PCDHGB5: variants seen among roughly 807,000 people sequenced by gnomAD.
PCDHGB5 encodes protocadherin gamma-B5.
PCDHGB5 carries 48 observed loss-of-function variants against 62.9 expected under a neutral mutation model. The ratio of observed to expected loss-of-function variants is 0.76; its 90% CI spans 0.61 to 0.97. The LOEUF is 0.97. Among genes scored for constraint, PCDHGB5 ranks in the 50% least tolerant of loss-of-function variants. PCDHGB5 has a pLI of 0.00. For missense variants in PCDHGB5, 1,118 were observed against 1,198.6 expected (o/e 0.93, Z 0.99); for synonymous variants, 474 against 511.2 (o/e 0.93, Z 0.98).
rs181397365 is a variant in PCDHGB5, at chr5:141,481,810, G to A, written c.2398-12997G>A. Among the ~76,000 whole-genome samples, 99 of 151,944 alleles carry A rather than the reference G, an allele frequency of 6.5e-4. 1 individual carries two copies. The highest frequency in any genetic ancestry group is 2.4e-3 in the African/African-American group (98 of 41,418). On this transcript the variant is annotated intron_variant, in intron 1 of 3. Transcript: ENST00000617380. ...CTACTAAAAATACAAAAATTCACCA[G>A]GCGTGGTGGCTGAGGCAGGAGAATC...
chr5:141,432,969 C>T lies in PCDHGB5; in HGVS notation c.2397+32445C>T, dbSNP rs754836894. On this transcript the variant is annotated intron_variant, in intron 1 of 3. Coordinates refer to ENST00000617380, the MANE Select transcript of PCDHGB5 (RefSeq NM_018925.3). The surrounding 1 kb of genome is among the most constrained non-coding windows in gnomAD (Gnocchi z 6.0). ...GGAGGCGGCTTGACAGGAGCGCCGG[C>T]GTCGCACTTTGTGGGCGTGGACGGG... The T allele has an allele frequency of 3.7e-6, 6 of 1,614,030 alleles. No individual in the cohort carries two copies. In the African/African-American group the frequency reaches 8.0e-5, roughly 22 times the overall value.
chr5:141,500,445 G>A (rs1319009998), intron 2 of PCDHGB5, among the ~76,000 whole-genome samples: 1 of 151,816 alleles, frequency 6.6e-6, no homozygotes, highest in Non-Finnish European at 1.5e-5. Flanking sequence ...TCCTGACCTC[G>A]TGATCCGCCC....
At chr5:141,488,259 C>T (rs1594750656) in intron 1 of PCDHGB5, among the ~76,000 whole-genome samples, 1 of 152,144 alleles carries the variant, frequency 6.6e-6, no homozygotes, top group African/African-American at 2.4e-5. Context: ...AAGGTTGGGG[C>T]GGGTTGGTCA....
Position 141,486,274 on chromosome 5 carries a change from T to A in PCDHGB5, c.2398-8533T>A. On this transcript the variant is annotated intron_variant, in intron 1 of 3. Coordinates refer to ENST00000617380, the MANE Select transcript of PCDHGB5 (RefSeq NM_018925.3). The surrounding 1 kb of genome is among the most constrained non-coding windows in gnomAD (Gnocchi z 5.0). ...TCCCCGAGAGTGCAGAACCTGGCAC[T>A]GTGGTGGCACTTATCAGTGTGCAGG... is the stretch of plus-strand genomic sequence containing the variant. 5 of 1,614,064 alleles carry A rather than the reference T, an allele frequency of 3.1e-6. No homozygotes were observed. The highest frequency in any genetic ancestry group is 4.2e-6 in the Non-Finnish European group (5 of 1,179,998).
chr5:141,438,122 A>T (rs1272350030), intron 1 of PCDHGB5, among the ~76,000 whole-genome samples: 1 of 152,214 alleles, frequency 6.6e-6, no homozygotes, highest in Non-Finnish European at 1.5e-5. Flanking sequence ...CATTCCTAAA[A>T]TATTAATGGC....
chr5:141,415,863 G>A, intron 1 of PCDHGB5: 4 of 1,107,154 alleles, frequency 3.6e-6, no homozygotes, highest in Non-Finnish European at 4.7e-6. Flanking sequence ...GTAGTTTATA[G>A]TGTTGTTGAG....
At position 141,477,197 on chromosome 5, in the gene PCDHGB5, G is replaced by A. The variant is rs781504885; in HGVS notation, c.2398-17610G>A. ...CACAGTCACCTCCGTGTACAGCCCA[G>A]TACCCGAGGATGCCCCTCTGGGGAC... On this transcript the variant is annotated intron_variant, in intron 1 of 3. Coordinates refer to ENST00000617380, the MANE Select transcript of PCDHGB5 (RefSeq NM_018925.3). The surrounding 1 kb of genome is among the most constrained non-coding windows in gnomAD (Gnocchi z 4.9). 1 of 1,614,210 alleles carries A rather than the reference G, an allele frequency of 6.2e-7. No homozygotes were observed. Among genetic ancestry groups the A allele is most frequent in the East Asian group, 2.2e-5 (1 of 44,874 alleles).
intron 1 of PCDHGB5, among the ~76,000 whole-genome samples, chr5:141,457,440 A>G (rs188608086): frequency 3.9e-5 from 6 of 152,334 alleles, no homozygotes; most frequent in Non-Finnish European, 8.8e-5. Flanking sequence ...ACCAAGCTGC[A>G]GAAGATCACC....
At chr5:141,472,980 CAAAA>C (rs60579131) in intron 1 of PCDHGB5, among the ~76,000 whole-genome samples, 3 of 86,106 alleles carry the variant, frequency 3.5e-5, no homozygotes, top group Admixed American at 1.2e-4. Context: ...GAGTGAAACT[CAAAA>C]AAAAAAAAAA....
intron 2 of PCDHGB5, among the ~76,000 whole-genome samples, chr5:141,498,962 A>G (rs1257746192): frequency 8.0e-6 from 1 of 124,866 alleles, no homozygotes; most frequent in Non-Finnish European, 1.7e-5. Context: ...AGAGAGAGGG[A>G]GGGAGGGAGG....
In PCDHGB5 at chr5:141,404,506, C is replaced by T. The variant is rs530963064; in HGVS notation, c.2397+3982C>T. The stretch of plus-strand genomic sequence containing the variant: ...ACACTGGTGTGCTGTATGCTCTGTG[C>T]TCCTTTGACTATGAGCAGTTTAGAG... On this transcript the variant is annotated intron_variant, in intron 1 of 3. Coordinates refer to ENST00000617380, the MANE Select transcript of PCDHGB5 (RefSeq NM_018925.3). 540 of 1,613,932 alleles carry T rather than the reference C, an allele frequency of 3.3e-4. 6 individuals are homozygous for T. In the South Asian group the frequency reaches 5.6e-3, roughly 17 times the overall value.
chr5:141,487,812 T>A lies in PCDHGB5; in HGVS notation c.2398-6995T>A. ...TAACCAGAGTTGTCACAGTTTAGCA[T>A]TGGGGGCGGGTCATGCCTATATCTG... On this transcript the variant is annotated intron_variant, in intron 1 of 3. Coordinates refer to ENST00000617380, the MANE Select transcript of PCDHGB5 (RefSeq NM_018925.3). The surrounding 1 kb of genome is among the most constrained non-coding windows in gnomAD (Gnocchi z 5.0). 1 of 1,408,206 alleles carries A rather than the reference T, an allele frequency of 7.1e-7. No individual in the cohort carries two copies. The highest frequency in any genetic ancestry group is 9.7e-7 in the Non-Finnish European group (1 of 1,036,248). 87.2% of individuals were successfully genotyped at this position (1,408,206 alleles called of 1,614,324 possible). A position where few individuals can be genotyped will look rare whatever the true frequency, so the allele number is the denominator to read the frequency against.
At chr5:141,440,954 G>A (rs908507291) in intron 1 of PCDHGB5, 9 of 152,184 alleles carry the variant, frequency 5.9e-5, no homozygotes, top group Non-Finnish European at 1.0e-4. Flanking sequence ...GAGTGTCAAG[G>A]CAGAGATCAC....
rs760617436 is a variant in PCDHGB5 at position 141,410,113 on chromosome 5, A to T, written c.2397+9589A>T. On this transcript the variant is annotated intron_variant, in intron 1 of 3. Transcript: ENST00000617380. The stretch of plus-strand genomic sequence containing the variant: ...CTCGAGCCTTAGGCGACAGGGACGC[A>T]GCCCGCCAGCGCCTGCTGGTCGCTG... 5 of 1,612,436 alleles carry T rather than the reference A, an allele frequency of 3.1e-6. No individual in the cohort carries two copies. The African/African-American group carries it at 6.7e-5, about 22-fold the overall frequency.
chr5:141,494,909 T>G (rs764123148), intron 2 of PCDHGB5, 44 bp downstream of exon 2: 1 of 1,614,042 alleles, frequency 6.2e-7, no homozygotes, highest in Admixed American at 1.7e-5. Flanking sequence ...CTGCGGCATT[T>G]TCTCAGGGAT....
At chr5:141,504,785 G>A (rs1439244687) in intron 2 of PCDHGB5, among the ~76,000 whole-genome samples, 1 of 151,964 alleles carries the variant, frequency 6.6e-6, no homozygotes, top group East Asian at 1.9e-4. Context: ...GTCTCTTGGG[G>A]CCTCCTACAT....
At chr5:141,495,974 CTCTT>C (rs1562171251) in intron 2 of PCDHGB5, among the ~76,000 whole-genome samples, 2 of 152,032 alleles carry the variant, frequency 1.3e-5, no homozygotes, top group Non-Finnish European at 1.5e-5. Context: ...TTCTCTGTTA[CTCTT>C]TCTTTATCTC....
At chr5:141,414,102 A>G in intron 1 of PCDHGB5, 1 of 1,593,854 alleles carries the variant, frequency 6.3e-7, no homozygotes, top group Non-Finnish European at 8.5e-7. Context: ...AAATATCAGA[A>G]AATCTAGATT....
chr5:141,415,071 G>C (rs757356726), intron 1 of PCDHGB5: 5 of 1,613,422 alleles, frequency 3.1e-6, no homozygotes, highest in Non-Finnish European at 1.7e-6. Context: ...AGGTGCGCAC[G>C]GCGCGAGCCC....
Sources: gnomAD v4.1 joint callset for allele counts (sites outside exome capture counted in the v4.1 genomes callset) on GRCh38, gnomAD v4.1.1 for gene constraint, Gnocchi (gnomAD v3.1) non-coding constraint, MANE v1.5 for transcripts, NCBI Gene and HGNC (gene_info 2026-07-23, HGNC 2026-07-21) for gene names.